Variants in SNX10 observed in about 807,000 individuals in gnomAD.
SNX10 encodes the protein sorting nexin 10, also known as sorting nexin-10.
SNX10 carries 25 observed loss-of-function variants against 28.5 expected under a neutral mutation model. The ratio of observed to expected loss-of-function variants is 0.88; its 90% CI spans 0.64 to 1.22. The LOEUF (loss-of-function observed/expected upper bound fraction) is 1.22, where lower values mean the gene tolerates loss of function less well. SNX10 is among the 50% of genes most tolerant of loss of function. The pLI, the probability that SNX10 is intolerant of heterozygous loss-of-function variation, is 0.00. For synonymous variants in SNX10, 62 were observed against 81.4 expected (o/e 0.76, Z 1.28); for missense variants, 223 against 242.6 (o/e 0.92, Z 0.54).
chr7:26,360,718 A>C (rs1789031770), intron 2 of SNX10: 1 of 663,668 alleles, frequency 1.5e-6, no homozygotes. Context: ...TCTTCAGATA[A>C]CCAGTAAAAC....
intron 1 of SNX10, among the ~76,000 whole-genome samples, chr7:26,305,937 C>T (rs1270719433): frequency 6.6e-6 from 1 of 152,194 alleles, no homozygotes; most frequent in East Asian, 1.9e-4. Context: ...CTCTGTCGCC[C>T]AAGCTGGAGT....
chr7:26,348,640 C>G (rs1184645421), intron 2 of SNX10, among the ~76,000 whole-genome samples: 1 of 152,202 alleles, frequency 6.6e-6, no homozygotes, highest in Non-Finnish European at 1.5e-5. Context: ...GAATGATCGC[C>G]TGGCGTCAAA....
intron 2 of SNX10, among the ~76,000 whole-genome samples, chr7:26,355,524 T>A (rs1788786977): frequency 6.6e-6 from 1 of 152,232 alleles, no homozygotes; most frequent in Admixed American, 6.5e-5. Flanking sequence ...CCTCTGCTTT[T>A]TAAAAAATCT....
chr7:26,326,810 C>T (rs1163370061), intron 1 of SNX10, among the ~76,000 whole-genome samples: 1 of 152,162 alleles, frequency 6.6e-6, no homozygotes, highest in Non-Finnish European at 1.5e-5. Flanking sequence ...AAGTGATCCT[C>T]CTGCCTCAGC....
chr7:26,302,944 TAAAAAC>T (rs70943290), intron 1 of SNX10, among the ~76,000 whole-genome samples: 2,476 of 151,904 alleles, frequency 0.016, 29 homozygotes, highest in Non-Finnish European at 0.023. Flanking sequence ...AGACTCCATC[TAAAAAC>T]AAAAACAAAA....
At chr7:26,310,466 T>G (rs1049883161) in intron 1 of SNX10, among the ~76,000 whole-genome samples, 1 of 152,128 alleles carries the variant, frequency 6.6e-6, no homozygotes, top group African/African-American at 2.4e-5. Flanking sequence ...TAATATAGAC[T>G]GCGACAAAGT....
chr7:26,304,183 C>T (rs951545469), intron 1 of SNX10, among the ~76,000 whole-genome samples: 2 of 152,198 alleles, frequency 1.3e-5, no homozygotes, highest in Non-Finnish European at 2.9e-5. Context: ...TGCCTACTCA[C>T]CCCAGCACCG....
chr7:26,368,869 T>C (rs1789397392), intron 5 of SNX10, among the ~76,000 whole-genome samples: 1 of 152,176 alleles, frequency 6.6e-6, no homozygotes, highest in Non-Finnish European at 1.5e-5. Flanking sequence ...CCATGTACTA[T>C]GCAGTTATGT....
chr7:26,363,586 C>T (rs1420078474), intron 3 of SNX10, among the ~76,000 whole-genome samples: 2 of 152,028 alleles, frequency 1.3e-5, no homozygotes, highest in African/African-American at 4.8e-5. Context: ...TATTTACTCT[C>T]GTCTTATGTT....
At chr7:26,343,043 A>G (rs1464187221) in intron 1 of SNX10, among the ~76,000 whole-genome samples, 2 of 151,998 alleles carry the variant, frequency 1.3e-5, no homozygotes, top group Non-Finnish European at 2.9e-5. Context: ...CTCCTAAGTG[A>G]TCTGCCCGCC....
At chr7:26,339,360 C>T (rs1298328181) in intron 1 of SNX10, among the ~76,000 whole-genome samples, 1 of 152,110 alleles carries the variant, frequency 6.6e-6, no homozygotes, top group Admixed American at 6.6e-5. Context: ...TCCCAAAGTG[C>T]TGGGATTACA....
chr7:26,361,011 CAGA>C lies in SNX10; in HGVS notation c.64_66del (p.Lys22del). 6.2e-7 allele frequency: 1 copy of C among 1,609,504 alleles called. No homozygotes were observed. Among genetic ancestry groups the C allele is most frequent in the Non-Finnish European group, 8.5e-7 (1 of 1,177,318 alleles). ...TGTCTGGGTTCGAGATCCTAGGATT[CAGA>C]AGGAGGACTTCTGGCATTCTTACAT... On this transcript the variant is annotated inframe_deletion, in exon 3 of 7. Coordinates refer to ENST00000338523, the MANE Select transcript of SNX10 (RefSeq NM_013322.3).
chr7:26,304,820 C>T (rs964139411), intron 1 of SNX10, among the ~76,000 whole-genome samples: 15 of 152,182 alleles, frequency 9.9e-5, no homozygotes, highest in African/African-American at 3.6e-4. Context: ...GGAAGAATCA[C>T]ACATTCTTTT....
chr7:26,336,790 G>A (rs1158396919), intron 1 of SNX10, among the ~76,000 whole-genome samples: 2 of 152,164 alleles, frequency 1.3e-5, no homozygotes, highest in African/African-American at 2.4e-5. Flanking sequence ...TGGCTATGAG[G>A]TAGTCTGTCA....
intron 1 of SNX10, among the ~76,000 whole-genome samples, chr7:26,332,151 G>T (rs1019470642): frequency 1.3e-5 from 2 of 152,178 alleles, no homozygotes; most frequent in South Asian, 4.1e-4. Context: ...AATTCTTCAA[G>T]AAACTGCCAG....
intron 1 of SNX10, among the ~76,000 whole-genome samples, chr7:26,316,192 A>C (rs970560690): frequency 7.2e-5 from 11 of 151,960 alleles, no homozygotes; most frequent in African/African-American, 1.7e-4. Context: ...AAAAAAAAAA[A>C]AAAAACAAAA....
At chr7:26,312,534 C>T (rs987419812) in intron 1 of SNX10, among the ~76,000 whole-genome samples, 2 of 151,946 alleles carry the variant, frequency 1.3e-5, no homozygotes, top group African/African-American at 4.8e-5. Context: ...GCCTGTAATC[C>T]CAGCACTTTG....
chr7:26,326,582 G>A (rs544858309), intron 1 of SNX10, among the ~76,000 whole-genome samples: 242 of 152,280 alleles, frequency 1.6e-3, no homozygotes, highest in African/African-American at 5.5e-3. Context: ...AAGGCTGCCT[G>A]GGTTCAAGTC....
At chr7:26,349,298 A>G (rs1305436858) in intron 2 of SNX10, among the ~76,000 whole-genome samples, 1 of 152,102 alleles carries the variant, frequency 6.6e-6, no homozygotes, top group Non-Finnish European at 1.5e-5. Context: ...TGGGAGTGAC[A>G]TCTTGGTTCT....
Sources: allele counts gnomAD v4.1 joint callset (sites outside exome capture counted in the v4.1 genomes callset), GRCh38; gene constraint gnomAD v4.1.1; transcripts MANE v1.5; gene names NCBI Gene and HGNC (gene_info 2026-07-23, HGNC 2026-07-21).